The following TOPBP1 variants were observed in gnomAD, a reference collection of about 807,000 sequenced individuals.
The protein encoded by TOPBP1 is DNA topoisomerase II binding protein 1.
A neutral mutation model predicts 167.7 loss-of-function variants in TOPBP1; 28 were observed. That is an observed-to-expected ratio of 0.17 (90% CI 0.12 to 0.23). The LOEUF is 0.23. TOPBP1 is among the 10% of genes least tolerant of loss of function. The pLI is 1.00. For synonymous variants in TOPBP1, 598 were observed against 611.4 expected, an observed-to-expected ratio of 0.98 and a Z score of 0.32; for missense variants, 1,554 against 1,809.6, an observed-to-expected ratio of 0.86 and a Z score of 2.56.
chr3:133,634,515 T>C (rs1396355448), intron 14 of TOPBP1, among the ~76,000 whole-genome samples: 1 of 148,142 alleles, frequency 6.8e-6, no homozygotes, highest in African/African-American at 2.5e-5. Flanking sequence ...GACTCTGTCT[T>C]AAAAAAAAAA....
chr3:133,612,665 T>A, intron 23 of TOPBP1, 113 bp from the exon 24 acceptor site: 2 of 982,372 alleles, frequency 2.0e-6, no homozygotes, highest in Non-Finnish European at 2.8e-6. Context: ...CCAAACCATT[T>A]AAACCAAAAA....
At chr3:133,638,257 T>C in intron 13 of TOPBP1, 95 bp from the exon 14 acceptor site, 2 of 1,231,934 alleles carry the variant, frequency 1.6e-6, no homozygotes, top group Non-Finnish European at 2.3e-6. Flanking sequence ...TTTTCTTTCC[T>C]TTCTTTCTTG....
At chr3:133,631,631 G>A (rs551050106) in intron 14 of TOPBP1, among the ~76,000 whole-genome samples, 1 of 152,270 alleles carries the variant, frequency 6.6e-6, no homozygotes, top group African/African-American at 2.4e-5. Flanking sequence ...TGCTGTTCTT[G>A]TGATAATGAG....
chr3:133,639,162 A>G (rs982209254), intron 13 of TOPBP1, among the ~76,000 whole-genome samples: 1 of 152,204 alleles, frequency 6.6e-6, no homozygotes, highest in African/African-American at 2.4e-5. Flanking sequence ...ACATGTACAC[A>G]TATGTTTATT....
intron 24 of TOPBP1, among the ~76,000 whole-genome samples, chr3:133,611,660 T>C (rs1934685064): frequency 6.6e-6 from 1 of 152,240 alleles, no homozygotes; most frequent in East Asian, 1.9e-4. Context: ...GAAGTTTCGT[T>C]GTTTGGCTTT....
At chr3:133,626,710 C>G (rs1281451703) in intron 16 of TOPBP1, among the ~76,000 whole-genome samples, 1 of 152,090 alleles carries the variant, frequency 6.6e-6, no homozygotes, top group African/African-American at 2.4e-5. Flanking sequence ...CCATTGTTTT[C>G]TAGTGTAGTC....
At chr3:133,610,870 G>C in intron 25 of TOPBP1, 134 bp downstream of exon 25, 1 of 928,820 alleles carries the variant, frequency 1.1e-6, no homozygotes, top group East Asian at 2.5e-5. Context: ...ATTTTTAAAA[G>C]AGCCATCAAA....
At position 133,601,038 on chromosome 3, in the gene TOPBP1, T is replaced by C. The variant is rs1934274669; in HGVS notation, c.*212A>G. The C allele has an allele frequency of 2.7e-6, 1 of 370,350 alleles. No homozygotes were observed. The highest frequency in any genetic ancestry group is 4.9e-6 in the Non-Finnish European group (1 of 205,278). 22.9% of individuals were successfully genotyped at this position (370,350 alleles called of 1,614,324 possible). On this transcript the variant is annotated 3_prime_UTR_variant, in exon 28 of 28. Coordinates refer to ENST00000260810, the MANE Select transcript of TOPBP1 (RefSeq NM_007027.4). ...AGCTAGCTGAGGAGTTGTATTTTGT[T>C]GTTATTTCAGGTAACTTTTTATTAA...
chr3:133,633,940 G>A lies in TOPBP1; in HGVS notation c.2520+3936C>T, dbSNP rs114186676. On this transcript the variant is annotated intron_variant, in intron 14 of 27. Coordinates refer to ENST00000260810, the MANE Select transcript of TOPBP1 (RefSeq NM_007027.4). ...CCAAACCATTCCTCAAACTTCCAGC[G>A]TTATTTGCAACTGCCTATTTAACAA... Among the ~76,000 whole-genome samples the A allele has an allele frequency of 7.2e-3, 1,096 of 152,166 alleles. 18 individuals are homozygous for A. Among genetic ancestry groups the A allele is most frequent in the African/African-American group, 0.023 (936 of 41,508 alleles).
At chr3:133,657,752 GAGATAGATATATAAATTGATCAATC>G in intron 4 of TOPBP1, 21 bp downstream of exon 4, 6 of 1,407,546 alleles carry the variant, frequency 4.3e-6, no homozygotes, top group Non-Finnish European at 2.8e-6. Context: ...TTAAGAATAA[GAGATAGATATATAAATTGATCAATC>G]ATCATGAGAT....
intron 10 of TOPBP1, among the ~76,000 whole-genome samples, chr3:133,649,156 T>C (rs886193287): frequency 1.3e-5 from 2 of 152,056 alleles, no homozygotes; most frequent in Non-Finnish European, 2.9e-5. Flanking sequence ...CCTGTATATA[T>C]AACAAATCAA....
At chr3:133,645,866 GGGCCGGGCGCGGT>G (rs2107818165) in intron 10 of TOPBP1, among the ~76,000 whole-genome samples, 1 of 152,168 alleles carries the variant, frequency 6.6e-6, no homozygotes, top group East Asian at 1.9e-4. Flanking sequence ...AGCTCCCCTA[GGGCCGGGCGCGGT>G]GGCTCATGCC....
At chr3:133,651,588 T>C (rs978407198) in intron 8 of TOPBP1, among the ~76,000 whole-genome samples, 1 of 152,218 alleles carries the variant, frequency 6.6e-6, no homozygotes, top group Non-Finnish European at 1.5e-5. Context: ...ATACATTAAG[T>C]ATTCCAATCT....
chr3:133,656,300 T>C (rs1936477639), intron 5 of TOPBP1, among the ~76,000 whole-genome samples: 1 of 152,146 alleles, frequency 6.6e-6, no homozygotes, highest in African/African-American at 2.4e-5. Flanking sequence ...TTGGAAGGAA[T>C]GCAACTGCCA....
intron 10 of TOPBP1, among the ~76,000 whole-genome samples, chr3:133,647,409 A>C (rs76107896): frequency 0.047 from 7,231 of 152,316 alleles, 238 homozygotes; most frequent in Non-Finnish European, 0.055. Flanking sequence ...AGTTTCTTAG[A>C]ATTCCTAGAG....
Position 133,611,128 on chromosome 3 carries a change from T to A in TOPBP1, c.4049A>T (p.Glu1350Val). ...ATCAAGTATGGAACTACTTCCCCAT[T>A]CATAGTCTTCTTCCTAGAGAATTTG... is the stretch of plus-strand genomic sequence containing the variant. ...AGHFVQEEDY[E>V]WGSSSILDVL... is the part of the protein sequence containing the mutation. The change falls in exon 25 of 28, where the codon GAA becomes GTA. Residue 1350 changes from glutamate to valine, a missense_variant. Glu to Val is a moderately radical substitution (Grantham distance 121, BLOSUM62 -2). Coordinates refer to ENST00000260810, the MANE Select transcript of TOPBP1 (RefSeq NM_007027.4). 6.2e-7 allele frequency: 1 copy of A among 1,611,442 alleles called. No individual in the cohort carries two copies. Among genetic ancestry groups the A allele is most frequent in the Non-Finnish European group, 8.5e-7 (1 of 1,178,514 alleles).
chr3:133,609,017 C>A, intron 25 of TOPBP1, 55 bp from the exon 26 acceptor site: 1 of 1,324,094 alleles, frequency 7.6e-7, no homozygotes, highest in Non-Finnish European at 1.1e-6. Context: ...CAAAATAATA[C>A]AGATAATGCA....
At position 133,644,072 on chromosome 3, in the gene TOPBP1, A is replaced by C. The variant is rs768725227; in HGVS notation, c.1796T>G (p.Leu599Arg). ...CACAGTGGCTTCCACTTCACACCCCAGCAGAGGAACCACAGCATAATCCGC... is the reference window on the plus strand; with the variant it reads ...CACAGTGGCTTCCACTTCACACCCCCGCAGAGGAACCACAGCATAATCCGC... ...TVADYAVVPL[L>R]GCEVEATVGE... is the part of the protein sequence containing the mutation. The change falls in exon 11 of 28, where the codon CTG (leucine) becomes CGG (arginine). Residue 599 changes from leucine to arginine, a missense_variant. Leu to Arg is a moderately radical substitution (Grantham distance 102). This residue lies in a region of TOPBP1 where 1,197 missense variants were observed against 1,351.5 expected (regional missense o/e 0.89). Transcript: ENST00000260810. The C allele has an allele frequency of 6.2e-7, 1 of 1,613,590 alleles. No homozygotes were observed. Among genetic ancestry groups the C allele is most frequent in the African/African-American group, 1.3e-5 (1 of 75,032 alleles).
intron 10 of TOPBP1, among the ~76,000 whole-genome samples, chr3:133,648,687 C>T (rs776493230): frequency 2.0e-5 from 3 of 152,062 alleles, no homozygotes; most frequent in Non-Finnish European, 2.9e-5. Context: ...ATCCCAGCTA[C>T]TTGGGAGGCT....
Sources: allele counts gnomAD v4.1 joint callset (sites outside exome capture counted in the v4.1 genomes callset), GRCh38; gene constraint gnomAD v4.1.1; regional missense constraint gnomAD v4.1.1; transcripts MANE v1.5; gene names NCBI Gene and HGNC (gene_info 2026-07-23, HGNC 2026-07-21).